The following FAM124A variants were observed in gnomAD, a reference collection of about 807,000 sequenced individuals.
FAM124A encodes the protein protein FAM124A.
In FAM124A, 23 loss-of-function variants were observed where a neutral mutation model predicts 24.5. The observed-to-expected ratio is 0.94, with a 90% CI of 0.68 to 1.33. The LOEUF is 1.33. FAM124A is among the 40% of genes most tolerant of loss of function. FAM124A has a pLI of 0.00. For missense variants in FAM124A, 623 were observed against 722.8 expected (o/e 0.86, Z 1.58); for synonymous variants, 287 against 314.7 (o/e 0.91, Z 0.93).
chr13:51,240,785 G>A (rs1360145023), intron 2 of FAM124A, among the ~76,000 whole-genome samples: 5 of 152,132 alleles, frequency 3.3e-5, no homozygotes, highest in South Asian at 2.1e-4. Flanking sequence ...TTGAGCTGCC[G>A]CCCTCACCCC....
intron 3 of FAM124A, chr13:51,253,234 G>A (rs969900048): frequency 1.3e-5 from 2 of 152,174 alleles, no homozygotes; most frequent in African/African-American, 2.4e-5. Context: ...AAGTTTCATC[G>A]TTTTTGTTGG....
intron 3 of FAM124A, among the ~76,000 whole-genome samples, chr13:51,264,288 T>C (rs1954764159): frequency 6.6e-6 from 1 of 152,210 alleles, no homozygotes; most frequent in Admixed American, 6.5e-5. Flanking sequence ...GCACCCCCTC[T>C]CCCTGCCAGT....
chr13:51,249,557 G>A (rs1192503629), intron 2 of FAM124A, among the ~76,000 whole-genome samples: 1 of 152,184 alleles, frequency 6.6e-6, no homozygotes, highest in African/African-American at 2.4e-5. Flanking sequence ...ACATGGCCCT[G>A]CAGCAAAATG....
chr13:51,260,022 A>AC (rs1954718030), intron 3 of FAM124A, among the ~76,000 whole-genome samples: 1 of 151,346 alleles, frequency 6.6e-6, no homozygotes, highest in African/African-American at 2.4e-5. Flanking sequence ...AGTGAGGAGG[A>AC]CCCCCCAATA....
At chr13:51,244,019 T>A (rs1954530227) in intron 2 of FAM124A, among the ~76,000 whole-genome samples, 1 of 152,176 alleles carries the variant, frequency 6.6e-6, no homozygotes, top group Admixed American at 6.5e-5. Flanking sequence ...AAATAAGTGT[T>A]TATTCAACCT....
chr13:51,228,202 G>A (rs1227804442), intron 1 of FAM124A, among the ~76,000 whole-genome samples: 1 of 151,988 alleles, frequency 6.6e-6, no homozygotes, highest in African/African-American at 2.4e-5. Flanking sequence ...CTGTATATAT[G>A]TAGTATATAT....
intron 3 of FAM124A, among the ~76,000 whole-genome samples, chr13:51,264,708 A>G (rs1300409799): frequency 6.6e-6 from 1 of 152,094 alleles, no homozygotes; most frequent in Non-Finnish European, 1.5e-5. Flanking sequence ...TTGAAATTCT[A>G]GTTTATGGAT....
intron 3 of FAM124A, among the ~76,000 whole-genome samples, chr13:51,277,094 G>A (rs57313245): frequency 6.6e-6 from 1 of 151,222 alleles, no homozygotes; most frequent in East Asian, 1.9e-4. Flanking sequence ...TCCATCAAGT[G>A]GATGACTGGA....
chr13:51,249,561 C>T lies in FAM124A; in HGVS notation c.101-1907C>T, dbSNP rs540939039. Reference sequence around the variant, plus strand: ...TATTCTCTTATACATGGCCCTGCAGCAAAATGGTTATTTTATGTGGTGTTC... The same window carrying T: ...TATTCTCTTATACATGGCCCTGCAGTAAAATGGTTATTTTATGTGGTGTTC... On this transcript the variant is annotated intron_variant, in intron 2 of 3. Transcript: ENST00000322475. 7.5e-4 allele frequency among the ~76,000 whole-genome samples: 114 copies of T among 152,296 alleles called. 3 individuals carry two copies. The South Asian group carries it at 0.023, about 31-fold the overall frequency.
In FAM124A at chr13:51,267,713, C is replaced by T. The variant is rs568135634; in HGVS notation, c.835-12737C>T. The stretch of plus-strand genomic sequence containing the variant: ...ACCAGCTACTACTGAACCACCTAAG[C>T]GATGCTCTGAGTATAAGGGTTAAGC... On this transcript the variant is annotated intron_variant, in intron 3 of 3. Transcript: ENST00000322475. Among the ~76,000 whole-genome samples the T allele has an allele frequency of 3.3e-5, 5 of 152,200 alleles. No individual in the cohort carries two copies. In the East Asian group the frequency reaches 9.6e-4, roughly 29 times the overall value.
Position 51,251,760 on chromosome 13 carries a change from C to T in FAM124A, c.393C>T (p.His131=), listed in dbSNP as rs1398456460. 4 of 1,587,034 alleles carry T rather than the reference C, an allele frequency of 2.5e-6. No individual in the cohort carries two copies. Among genetic ancestry groups the T allele is most frequent in the South Asian group, 1.1e-5 (1 of 87,946 alleles). ...TGCAGCAGCCGCCCTGGCGCCACCA[C>T]CACACCGAGCAGGTGCACGGCCGGT... ...RTLQQPPWRH[H]HTEQVHGRFL... The change falls in exon 3 of 4, where the codon CAC becomes CAT. Residue 131 remains histidine, a synonymous_variant. Coordinates refer to ENST00000322475, the MANE Select transcript of FAM124A (RefSeq NM_001242312.2). The surrounding 1 kb of genome is among the most constrained non-coding windows in gnomAD (Gnocchi z 5.3).
chr13:51,251,505 G>A lies in FAM124A; in HGVS notation c.138G>A (p.Leu46=). 2 of 1,510,780 alleles carry A rather than the reference G, an allele frequency of 1.3e-6. No homozygotes were observed. The highest frequency in any genetic ancestry group is 1.8e-6 in the Non-Finnish European group (2 of 1,128,982). The allele number at this position is 1,510,780 out of a possible 1,614,324, so 93.6% of individuals were successfully genotyped here. Residue 46 remains leucine, a synonymous_variant, in exon 3 of 4, where the codon CTG becomes CTA. Coordinates refer to ENST00000322475, the MANE Select transcript of FAM124A (RefSeq NM_001242312.2). This position sits in a 1 kb window ranked among gnomAD's most constrained non-coding sequence, Gnocchi z 5.3. ...TTGAAGAGGCGCAGGACCCTTTCCT[G>A]GTCAGCATCCACATAATCGCAGACC... ...LSVEEAQDPF[L]VSIHIIADPG...
chr13:51,245,656 G>A (rs1954550850), intron 2 of FAM124A, among the ~76,000 whole-genome samples: 2 of 152,202 alleles, frequency 1.3e-5, no homozygotes, highest in Admixed American at 6.5e-5. Flanking sequence ...GTAGTGAGAG[G>A]ACATAGTGGT....
chr13:51,251,947 C>T lies in FAM124A; in HGVS notation c.580C>T (p.Leu194Phe). 6.2e-7 allele frequency: 1 copy of T among 1,614,244 alleles called. No individual in the cohort carries two copies. Among genetic ancestry groups the T allele is most frequent in the Non-Finnish European group, 8.5e-7 (1 of 1,180,036 alleles). ...ADSLRFYQLILRRSPSQKKAD... is the reference protein window; with the variant it reads ...ADSLRFYQLIFRRSPSQKKAD... ...CAGCCTCAGGTTCTACCAGCTGATTCTCCGGAGGAGCCCCAGCCAGAAGAA... is the reference window on the plus strand; with the variant it reads ...CAGCCTCAGGTTCTACCAGCTGATTTTCCGGAGGAGCCCCAGCCAGAAGAA... The change falls in exon 3 of 4, where the codon CTC becomes TTC. Residue 194 changes from leucine to phenylalanine, a missense_variant. Transcript: ENST00000322475. The surrounding 1 kb of genome is among the most constrained non-coding windows in gnomAD (Gnocchi z 5.3).
At chr13:51,247,294 G>A (rs1385964493) in intron 2 of FAM124A, among the ~76,000 whole-genome samples, 1 of 152,220 alleles carries the variant, frequency 6.6e-6, no homozygotes, top group Non-Finnish European at 1.5e-5. Context: ...CAGAGCCTGG[G>A]CTGATGGTGC....
At chr13:51,264,390 C>G (rs1024947012) in intron 3 of FAM124A, among the ~76,000 whole-genome samples, 2 of 152,162 alleles carry the variant, frequency 1.3e-5, no homozygotes, top group African/African-American at 4.8e-5. Flanking sequence ...TGTCTGTCAG[C>G]CCCTCTGCAT....
In FAM124A at chr13:51,265,183, C is replaced by T. The variant is rs184144624; in HGVS notation, c.834+12982C>T. Reference sequence around the variant, plus strand: ...GAGAAGGAGACTCCTGGTGTTGGGGCTGAGTCTTCCCAGGTCGGCTTGGCC... The same window carrying T: ...GAGAAGGAGACTCCTGGTGTTGGGGTTGAGTCTTCCCAGGTCGGCTTGGCC... On this transcript the variant is annotated intron_variant, in intron 3 of 3. Transcript: ENST00000322475. Among the ~76,000 whole-genome samples, 18 of 152,272 alleles carry T rather than the reference C, an allele frequency of 1.2e-4. No homozygotes were observed. In the East Asian group the frequency reaches 2.5e-3, roughly 21 times the overall value.
chr13:51,237,937 C>T (rs767366259), intron 2 of FAM124A, among the ~76,000 whole-genome samples: 12 of 152,200 alleles, frequency 7.9e-5, no homozygotes, highest in Non-Finnish European at 1.3e-4. Context: ...CTTCCCACAA[C>T]CCCAGGCATT....
chr13:51,261,247 G>A (rs886690978), intron 3 of FAM124A, among the ~76,000 whole-genome samples: 1 of 152,138 alleles, frequency 6.6e-6, no homozygotes, highest in Non-Finnish European at 1.5e-5. Context: ...AGACACCTGC[G>A]AACAGCAGGC....
Sources: gnomAD v4.1 joint callset for allele counts (sites outside exome capture counted in the v4.1 genomes callset) on GRCh38, gnomAD v4.1.1 for gene constraint, Gnocchi (gnomAD v3.1) non-coding constraint, MANE v1.5 for transcripts, NCBI Gene and HGNC (gene_info 2026-07-23, HGNC 2026-07-21) for gene names.